IMMP2L: variants seen among roughly 807,000 people sequenced by gnomAD.
IMMP2L encodes mitochondrial inner membrane protease subunit 2.
IMMP2L carries 18 observed loss-of-function variants against 19.3 expected under a neutral mutation model. The observed-to-expected ratio is 0.93, with a 90% CI of 0.64 to 1.38. The LOEUF (loss-of-function observed/expected upper bound fraction) is 1.38, where lower values mean the gene tolerates loss of function less well. Ranked by LOEUF, IMMP2L falls within the 40% of genes most tolerant of loss-of-function variation. The probability of loss-of-function intolerance (pLI) is 0.00; values close to 1 mark genes in which losing one functional copy is unlikely to be tolerated. For synonymous variants in IMMP2L, 76 were observed against 73.0 expected (o/e 1.04, Z -0.21); for missense variants, 233 against 218.2 (o/e 1.07, Z -0.43).
At chr7:111,238,540 G>A (rs949214752) in intron 3 of IMMP2L, among the ~76,000 whole-genome samples, 2 of 151,844 alleles carry the variant, frequency 1.3e-5, no homozygotes, top group African/African-American at 4.8e-5. Context: ...TTTATTAAGG[G>A]AAGGAGCAGA....
In IMMP2L at chr7:110,897,058, T is replaced by C. The variant is rs181053656; in HGVS notation, c.306-10363A>G. On this transcript the variant is annotated intron_variant, in intron 4 of 5. Coordinates refer to ENST00000405709, the MANE Select transcript of IMMP2L (RefSeq NM_032549.4). Reference sequence around the variant, plus strand: ...TCCAACTCCTGGCCTCAAGTGATCCTCTTGCCAATTTTAAATAAAGAATCT... The same window carrying C: ...TCCAACTCCTGGCCTCAAGTGATCCCCTTGCCAATTTTAAATAAAGAATCT... Among the ~76,000 whole-genome samples, 3 of 152,280 alleles carry C rather than the reference T, an allele frequency of 2.0e-5. No homozygotes were observed. The East Asian group carries it at 5.8e-4, about 29-fold the overall frequency.
At chr7:111,044,389 G>A (rs540099685) in intron 3 of IMMP2L, among the ~76,000 whole-genome samples, 3 of 151,932 alleles carry the variant, frequency 2.0e-5, no homozygotes, top group South Asian at 2.1e-4. Context: ...GTGAAACCCC[G>A]TCTCTACTAA....
chr7:111,528,413 G>T (rs1847087213), intron 1 of IMMP2L, among the ~76,000 whole-genome samples: 1 of 152,158 alleles, frequency 6.6e-6, no homozygotes. Context: ...GAAAATTATT[G>T]CTTAAAATTG....
intron 3 of IMMP2L, among the ~76,000 whole-genome samples, chr7:111,468,320 T>A (rs1439207015): frequency 6.6e-6 from 1 of 152,104 alleles, no homozygotes; most frequent in East Asian, 1.9e-4. Context: ...CACACAGGGA[T>A]TTACTTACAA....
intron 1 of IMMP2L, among the ~76,000 whole-genome samples, chr7:111,538,768 C>T (rs920043828): frequency 6.9e-6 from 1 of 145,970 alleles, no homozygotes; most frequent in South Asian, 2.2e-4. Context: ...TCTGATCACA[C>T]CACTGCACTC....
At chr7:111,448,736 C>CA (rs1288435460) in intron 3 of IMMP2L, among the ~76,000 whole-genome samples, 2 of 109,908 alleles carry the variant, frequency 1.8e-5, no homozygotes, top group South Asian at 3.8e-4. Flanking sequence ...AATAGAGACA[C>CA]AAAAAACCCT....
chr7:110,913,976 T>C (rs1813324901), intron 4 of IMMP2L, among the ~76,000 whole-genome samples: 1 of 152,152 alleles, frequency 6.6e-6, no homozygotes, highest in East Asian at 1.9e-4. Context: ...TGGCAAACTT[T>C]CTCAACACAA....
chr7:111,003,933 C>A (rs1039962817), intron 3 of IMMP2L, among the ~76,000 whole-genome samples: 1 of 152,150 alleles, frequency 6.6e-6, no homozygotes, highest in African/African-American at 2.4e-5. Context: ...ATTTAACAGA[C>A]AGATATACCA....
chr7:111,084,244 C>G (rs935374595), intron 3 of IMMP2L, among the ~76,000 whole-genome samples: 30 of 142,042 alleles, frequency 2.1e-4, no homozygotes, highest in African/African-American at 7.7e-4. Context: ...ATATGAGGCA[C>G]AAGATCCAAA....
chr7:111,474,304 T>C (rs974449443), intron 3 of IMMP2L, among the ~76,000 whole-genome samples: 7 of 152,108 alleles, frequency 4.6e-5, no homozygotes, highest in African/African-American at 1.4e-4. Context: ...AAAGTGCACA[T>C]GTGCCCCAGA....
chr7:111,276,203 T>C lies in IMMP2L; in HGVS notation c.239+211035A>G, dbSNP rs1172311537. ...GAAATTTTTGCATCTATTGAGACGA[T>C]CATATGGTTTTTGTCCTTAATTCTG... On this transcript the variant is annotated intron_variant, in intron 3 of 5. Transcript: ENST00000405709. Among the ~76,000 whole-genome samples the C allele has an allele frequency of 2.6e-5, 4 of 152,162 alleles. No individual in the cohort carries two copies. The East Asian group carries it at 7.7e-4, about 29-fold the overall frequency.
At chr7:111,273,373 AAGAC>A (rs1486041652) in intron 3 of IMMP2L, among the ~76,000 whole-genome samples, 3 of 152,068 alleles carry the variant, frequency 2.0e-5, no homozygotes, top group Non-Finnish European at 2.9e-5. Context: ...CTGCACGAGA[AAGAC>A]AGGGATCAGA....
chr7:111,208,274 T>C (rs900449052), intron 3 of IMMP2L, among the ~76,000 whole-genome samples: 16 of 152,162 alleles, frequency 1.1e-4, no homozygotes, highest in Admixed American at 1.0e-3. Flanking sequence ...AAAATTTCAT[T>C]GATACAATTA....
At chr7:110,862,690 A>C (rs1368626628) in intron 5 of IMMP2L, among the ~76,000 whole-genome samples, 2 of 152,012 alleles carry the variant, frequency 1.3e-5, no homozygotes, top group Non-Finnish European at 2.9e-5. Context: ...CATTCTCAAA[A>C]TAACTAAATC....
intron 5 of IMMP2L, chr7:110,724,692 T>A (rs184175489): frequency 6.6e-6 from 1 of 152,172 alleles, no homozygotes; most frequent in East Asian, 1.9e-4. Context: ...TTCCAATAAT[T>A]CCAATAGTTT....
chr7:111,551,440 T>C (rs550161393), intron 1 of IMMP2L, among the ~76,000 whole-genome samples: 1 of 151,998 alleles, frequency 6.6e-6, no homozygotes, highest in Admixed American at 6.6e-5. Flanking sequence ...ACCAAAAACA[T>C]ACAATATGTT....
At chr7:110,925,483 A>T (rs11975453) in intron 4 of IMMP2L, among the ~76,000 whole-genome samples, 2,219 of 151,756 alleles carry the variant, frequency 0.015, 56 homozygotes, top group African/African-American at 0.051. Flanking sequence ...TTCAATTTGC[A>T]TGTAGATCTA....
At chr7:111,162,537 TCCTC>T (rs1805377772) in intron 3 of IMMP2L, among the ~76,000 whole-genome samples, 2 of 152,070 alleles carry the variant, frequency 1.3e-5, no homozygotes, top group African/African-American at 4.8e-5. Context: ...GGAGGGCATA[TCCTC>T]CACAGGGATT....
At chr7:110,996,211 G>A (rs1019503934) in intron 3 of IMMP2L, among the ~76,000 whole-genome samples, 6 of 152,102 alleles carry the variant, frequency 3.9e-5, no homozygotes. Context: ...GAAAATCAGG[G>A]AAGTCCTCTC....
Sources: gnomAD v4.1 joint callset for allele counts (sites outside exome capture counted in the v4.1 genomes callset) on GRCh38, gnomAD v4.1.1 for gene constraint, MANE v1.5 for transcripts, NCBI Gene and HGNC (gene_info 2026-07-23, HGNC 2026-07-21) for gene names.